GAREM1: variants seen among roughly 807,000 people sequenced by gnomAD.
GAREM1 encodes GRB2 associated regulator of MAPK1 subtype 1.
Under a neutral mutation model 71.3 loss-of-function variants are expected in GAREM1, and 26 were observed. The ratio of observed to expected loss-of-function variants is 0.36; its 90% CI spans 0.27 to 0.51. The LOEUF (loss-of-function observed/expected upper bound fraction) is 0.51, where lower values mean the gene tolerates loss of function less well. Among genes scored for constraint, GAREM1 ranks in the 20% least tolerant of loss-of-function variants. The pLI is 0.95. For synonymous variants in GAREM1, 440 were observed against 433.2 expected, an observed-to-expected ratio of 1.02 and a Z score of -0.20; for missense variants, 1,026 against 1,103.1, an observed-to-expected ratio of 0.93 and a Z score of 0.99.
At chr18:32,270,483 T>C in intron 4 of GAREM1, 100 bp from the exon 5 acceptor site, 1 of 975,638 alleles carries the variant, frequency 1.0e-6, no homozygotes, top group East Asian at 2.7e-5. Context: ...TCTTAAACCG[T>C]AACAGCAGGG....
chr18:32,317,358 T>C (rs955041616), intron 2 of GAREM1, among the ~76,000 whole-genome samples: 1 of 149,340 alleles, frequency 6.7e-6, no homozygotes, highest in Non-Finnish European at 1.5e-5. Flanking sequence ...TGAGCTGAGA[T>C]TGCATCACTG....
At chr18:32,291,761 G>A (rs896130715) in intron 3 of GAREM1, among the ~76,000 whole-genome samples, 8 of 151,584 alleles carry the variant, frequency 5.3e-5, no homozygotes, top group African/African-American at 7.3e-5. Context: ...CTGTTCCTGC[G>A]TTAATTTGCT....
intron 2 of GAREM1, among the ~76,000 whole-genome samples, chr18:32,387,359 G>A (rs2048158415): frequency 6.6e-6 from 1 of 152,146 alleles, no homozygotes; most frequent in Non-Finnish European, 1.5e-5. Context: ...CACAGGTCCA[G>A]GCAGTTTGGA....
rs1043593829 is a variant in GAREM1 at position 32,264,621 on chromosome 18, G to A, written c.*3250C>T. ...CAAGAATAAACACTGCAATTTAGCT[G>A]AATGGGCAGTTCACTGCAACTTCAT... is the stretch of plus-strand genomic sequence containing the variant. On this transcript the variant is annotated 3_prime_UTR_variant, in exon 6 of 6. Transcript: ENST00000269209. 1 of 152,218 alleles carries A rather than the reference G, an allele frequency of 6.6e-6. No individual in the cohort carries two copies. Among genetic ancestry groups the A allele is most frequent in the Non-Finnish European group, 1.5e-5 (1 of 68,038 alleles). 9.4% of individuals were successfully genotyped at this position (152,218 alleles called of 1,614,324 possible).
chr18:32,357,303 C>A (rs550988496), intron 2 of GAREM1, among the ~76,000 whole-genome samples: 1 of 152,268 alleles, frequency 6.6e-6, no homozygotes, highest in Non-Finnish European at 1.5e-5. Flanking sequence ...ACAGCGAGAC[C>A]CTGTCTCAAT....
chr18:32,353,906 A>C (rs1220880714), intron 2 of GAREM1, among the ~76,000 whole-genome samples: 1 of 152,208 alleles, frequency 6.6e-6, no homozygotes, highest in Non-Finnish European at 1.5e-5. Context: ...AGTCAAGAAA[A>C]CAAGGTTTTG....
chr18:32,446,323 C>G lies in GAREM1; in HGVS notation c.121+23985G>C, dbSNP rs1314101543. On this transcript the variant is annotated intron_variant, in intron 1 of 5. Coordinates refer to ENST00000269209, the MANE Select transcript of GAREM1 (RefSeq NM_001242409.2). ...TTGCTGTAACAAAATTTTTGTAAACCAAAAGCATCACAGTGTTCACTTTGT... is the reference window on the plus strand; with the variant it reads ...TTGCTGTAACAAAATTTTTGTAAACGAAAAGCATCACAGTGTTCACTTTGT... 3.3e-5 allele frequency among the ~76,000 whole-genome samples: 5 copies of G among 151,414 alleles called. No homozygotes were observed. The East Asian group carries it at 9.7e-4, about 29-fold the overall frequency.
chr18:32,403,146 G>C (rs772817277), intron 1 of GAREM1, among the ~76,000 whole-genome samples: 4 of 152,138 alleles, frequency 2.6e-5, no homozygotes, highest in Admixed American at 6.6e-5. Context: ...GGCCTCAAGT[G>C]ATCTGCCTGC....
At chr18:32,373,461 G>A (rs567962647) in intron 2 of GAREM1, among the ~76,000 whole-genome samples, 4 of 152,232 alleles carry the variant, frequency 2.6e-5, no homozygotes, top group South Asian at 2.1e-4. Flanking sequence ...TAGGGCATGC[G>A]AGTGGAGCTG....
rs1164758920 is a variant in GAREM1, at chr18:32,382,849, G to A, written c.262+10046C>T. Among the ~76,000 whole-genome samples the A allele has an allele frequency of 2.0e-5, 3 of 152,210 alleles. No individual in the cohort carries two copies. In the South Asian group the frequency reaches 6.2e-4, roughly 32 times the overall value. ...GTGGGTCAGGAGGAAAGGACCCTAGGTGGACAGAGAACTGGGACTCCCACA... is the reference window on the plus strand; with the variant it reads ...GTGGGTCAGGAGGAAAGGACCCTAGATGGACAGAGAACTGGGACTCCCACA... On this transcript the variant is annotated intron_variant, in intron 2 of 5. Transcript: ENST00000269209.
chr18:32,469,458 G>A (rs2049029107), intron 1 of GAREM1, among the ~76,000 whole-genome samples: 1 of 152,180 alleles, frequency 6.6e-6, no homozygotes, highest in Non-Finnish European at 1.5e-5. Context: ...AACAAGAGAA[G>A]ACCAAACACA....
intron 1 of GAREM1, among the ~76,000 whole-genome samples, chr18:32,414,610 CT>C (rs1271541036): frequency 3.9e-5 from 6 of 151,956 alleles, no homozygotes; most frequent in Admixed American, 3.9e-4. Context: ...CAACATGCTC[CT>C]GAGTGACCAA....
At chr18:32,378,935 AC>A (rs11346108) in intron 2 of GAREM1, among the ~76,000 whole-genome samples, 5,331 of 152,272 alleles carry the variant, frequency 0.035, 139 homozygotes, top group East Asian at 0.11. Flanking sequence ...GAGTGAGCTC[AC>A]TGCTTACGGG....
At chr18:32,448,521 A>T (rs115304339) in intron 1 of GAREM1, among the ~76,000 whole-genome samples, 1 of 152,176 alleles carries the variant, frequency 6.6e-6, no homozygotes, top group African/African-American at 2.4e-5. Flanking sequence ...CAGTTACAGG[A>T]AAGGGTTTGA....
chr18:32,373,192 G>T, intron 2 of GAREM1, among the ~76,000 whole-genome samples: 1 of 152,016 alleles, frequency 6.6e-6, no homozygotes, highest in East Asian at 1.9e-4. Context: ...CTAGCTAAAG[G>T]GGACACATAA....
intron 1 of GAREM1, among the ~76,000 whole-genome samples, chr18:32,441,792 T>C (rs537963862): frequency 1.3e-5 from 2 of 152,310 alleles, no homozygotes; most frequent in East Asian, 1.9e-4. Context: ...AAAGTGCTCT[T>C]AGAGTCAGCT....
At chr18:32,406,996 T>C (rs902586068) in intron 1 of GAREM1, among the ~76,000 whole-genome samples, 5 of 152,302 alleles carry the variant, frequency 3.3e-5, no homozygotes, top group African/African-American at 1.2e-4. Context: ...AGAAAATCAG[T>C]GTCCTAAATC....
intron 1 of GAREM1, among the ~76,000 whole-genome samples, chr18:32,468,590 C>T (rs2049019327): frequency 6.6e-6 from 1 of 152,168 alleles, no homozygotes; most frequent in Non-Finnish European, 1.5e-5. Flanking sequence ...GGGATGAGTA[C>T]ACTGCTGATT....
chr18:32,412,256 A>G (rs983552059), intron 1 of GAREM1: 3 of 1,572,254 alleles, frequency 1.9e-6, no homozygotes, highest in Non-Finnish European at 2.6e-6. Context: ...TGCTGCTGGA[A>G]CCGCCATAGC....
Sources: allele counts gnomAD v4.1 joint callset (sites outside exome capture counted in the v4.1 genomes callset), GRCh38; gene constraint gnomAD v4.1.1; transcripts MANE v1.5; gene names NCBI Gene and HGNC (gene_info 2026-07-23, HGNC 2026-07-21).